PHLPP2: variants seen among roughly 807,000 people sequenced by gnomAD.
PHLPP2 encodes the protein PH domain and leucine rich repeat protein phosphatase 2.
A neutral mutation model predicts 124.9 loss-of-function variants in PHLPP2; 66 were observed. The ratio of observed to expected loss-of-function variants is 0.53; its 90% confidence interval spans 0.43 to 0.65. The LOEUF is 0.65. Among genes scored for constraint, PHLPP2 ranks in the 30% least tolerant of loss-of-function variants. The pLI, the probability that PHLPP2 is intolerant of heterozygous loss-of-function variation, is 0.00. For missense variants in PHLPP2, 1,685 were observed against 1,600.4 expected, an observed-to-expected ratio of 1.05 and a Z score of -0.90; for synonymous variants, 681 against 624.7, an observed-to-expected ratio of 1.09 and a Z score of -1.34.
chr16:71,653,102 T>TAA, intron 17 of PHLPP2, 81 bp from the exon 18 acceptor site: 1 of 229,846 alleles, frequency 4.4e-6, no homozygotes, highest in Non-Finnish European at 7.4e-6. Context: ...ATCCCTTCTT[T>TAA]TTTTTTTTTT....
chr16:71,699,562 G>A (rs528343366), intron 3 of PHLPP2, among the ~76,000 whole-genome samples: 8 of 152,052 alleles, frequency 5.3e-5, no homozygotes, highest in Admixed American at 6.6e-5. Flanking sequence ...AAAATTCTCC[G>A]CATTCACCAT....
chr16:71,696,271 T>C (rs2045169447), intron 3 of PHLPP2, among the ~76,000 whole-genome samples: 1 of 152,004 alleles, frequency 6.6e-6, no homozygotes, highest in Admixed American at 6.6e-5. Flanking sequence ...GGGAAATAAG[T>C]ACTCTCAAAT....
intron 5 of PHLPP2, among the ~76,000 whole-genome samples, chr16:71,682,836 G>T (rs1258264453): frequency 6.6e-6 from 1 of 152,104 alleles, no homozygotes. Context: ...TATAATATGG[G>T]TTATAAAAAT....
chr16:71,700,800 C>A (rs1024474465), intron 3 of PHLPP2, among the ~76,000 whole-genome samples: 1 of 152,042 alleles, frequency 6.6e-6, no homozygotes, highest in African/African-American at 2.4e-5. Flanking sequence ...GCTGGGATTA[C>A]AGGCGTGAGC....
At chr16:71,697,540 G>T (rs1478735957) in intron 3 of PHLPP2, among the ~76,000 whole-genome samples, 1 of 152,084 alleles carries the variant, frequency 6.6e-6, no homozygotes, top group African/African-American at 2.4e-5. Flanking sequence ...AAATAATATG[G>T]CTGTGTTTTA....
At chr16:71,714,031 C>T (rs2045341105) in intron 2 of PHLPP2, among the ~76,000 whole-genome samples, 1 of 151,298 alleles carries the variant, frequency 6.6e-6, no homozygotes, top group South Asian at 2.1e-4. Flanking sequence ...CCTTGGTCTC[C>T]CAGGTTCAAG....
chr16:71,649,003 G>C lies in PHLPP2; in HGVS notation c.3859C>G (p.Leu1287Val). 2 of 1,614,080 alleles carry C rather than the reference G, an allele frequency of 1.2e-6. No individual in the cohort carries two copies. The highest frequency in any genetic ancestry group is 1.7e-6 in the Non-Finnish European group (2 of 1,179,988). The stretch of plus-strand genomic sequence containing the variant: ...ATTTGTTCCTTCACTTCTTCTTCCA[G>C]GTCATGAGGCACAACAAACTGGTCC... Reference protein sequence around the residue: ...PEDQFVVPHDLEEEVKEQMKQ... With the variant: ...PEDQFVVPHDVEEEVKEQMKQ... Residue 1287 changes from leucine (L) to valine (V), a missense_variant, in exon 19 of 19, where the codon CTG becomes GTG. Transcript: ENST00000568954.
rs369588275 is a variant in PHLPP2 at position 71,714,462 on chromosome 16, A to G, written c.284+50T>C. 2.6e-5 allele frequency: 40 copies of G among 1,514,238 alleles called. No homozygotes were observed. The Admixed American group carries it at 2.9e-4, about 11-fold the overall frequency. 93.8% of individuals were successfully genotyped at this position (1,514,238 alleles called of 1,614,324 possible). A position where few individuals can be genotyped will look rare whatever the true frequency, so the allele number is the denominator to read the frequency against. Reference sequence around the variant, plus strand: ...AAAGTCCAGTTCTAAGCAGAAACACATTATTATTTATATTACGGTAGAATT... The same window carrying G: ...AAAGTCCAGTTCTAAGCAGAAACACGTTATTATTTATATTACGGTAGAATT... On this transcript the variant is annotated intron_variant, in intron 2 of 18. Transcript: ENST00000568954.
chr16:71,681,504 C>T (rs757955744), intron 6 of PHLPP2, among the ~76,000 whole-genome samples: 4 of 152,112 alleles, frequency 2.6e-5, no homozygotes, highest in Middle Eastern at 3.2e-3. Flanking sequence ...GATCATACAT[C>T]GGTGTCAATG....
chr16:71,691,719 G>A (rs60173154), intron 3 of PHLPP2, among the ~76,000 whole-genome samples: 5,697 of 151,922 alleles, frequency 0.037, 358 homozygotes, highest in African/African-American at 0.13. Context: ...TCACGGTGGT[G>A]GAAATTCTAC....
intron 11 of PHLPP2, among the ~76,000 whole-genome samples, chr16:71,668,159 C>T (rs985014019): frequency 1.3e-5 from 2 of 151,594 alleles, no homozygotes; most frequent in Admixed American, 1.3e-4. Context: ...TGCCTGTAAT[C>T]CCAGCACTTT....
chr16:71,676,789 C>G, intron 8 of PHLPP2, 140 bp from the exon 9 acceptor site: 1 of 645,688 alleles, frequency 1.5e-6, no homozygotes, highest in Non-Finnish European at 2.7e-6. Flanking sequence ...CACTGTGTTG[C>G]GCAGGCTGGA....
chr16:71,666,626 T>C (rs1457972021), intron 12 of PHLPP2, among the ~76,000 whole-genome samples: 1 of 152,192 alleles, frequency 6.6e-6, no homozygotes, highest in Non-Finnish European at 1.5e-5. Context: ...AGGCCTAAAA[T>C]AGGAAGACAT....
At chr16:71,653,562 G>C (rs79074017) in intron 17 of PHLPP2, among the ~76,000 whole-genome samples, 1,980 of 152,260 alleles carry the variant, frequency 0.013, 31 homozygotes, top group African/African-American at 0.046. Context: ...CCACGCGTCT[G>C]TACTTGGAAA....
Position 71,670,695 on chromosome 16 carries a change from A to AACAC in PHLPP2, c.1533-1329_1533-1326dup, listed in dbSNP as rs71153651. 7.8e-3 allele frequency among the ~76,000 whole-genome samples: 1,004 copies of AACAC among 129,020 alleles called. 10 individuals are homozygous for AACAC. Among genetic ancestry groups the AACAC allele is most frequent in the African/African-American group, 0.028 (950 of 33,858 alleles). The allele number at this position is 129,020 out of a possible 152,430, so 84.6% of individuals were successfully genotyped here. ...ACAGACTAAGAAAAAAGAGGCTGAA[A>AACAC]ACACACACACACACACACACACACA... is the stretch of plus-strand genomic sequence containing the variant. On this transcript the variant is annotated intron_variant, in intron 10 of 18. Coordinates refer to ENST00000568954, the MANE Select transcript of PHLPP2 (RefSeq NM_015020.3).
chr16:71,669,533 T>G (rs2032918), intron 10 of PHLPP2, among the ~76,000 whole-genome samples, 163 bp from the exon 11 acceptor site: 129,808 of 152,234 alleles, frequency 0.85, 55,511 homozygotes, highest in East Asian at 0.99. Context: ...TAGGTGCTCA[T>G]TGAATGCTGC....
intron 11 of PHLPP2, among the ~76,000 whole-genome samples, chr16:71,668,261 A>C (rs2044856649): frequency 6.6e-6 from 1 of 151,594 alleles, no homozygotes; most frequent in South Asian, 2.1e-4. Flanking sequence ...AAATACAAAA[A>C]AAAATTTAGC....
At chr16:71,654,212 A>G (rs545609367) in intron 17 of PHLPP2, among the ~76,000 whole-genome samples, 3 of 149,048 alleles carry the variant, frequency 2.0e-5, no homozygotes, top group South Asian at 4.2e-4. Flanking sequence ...AAGAAAAAAA[A>G]AAAAAAAAAA....
chr16:71,654,244 A>G (rs1165934089), intron 17 of PHLPP2, among the ~76,000 whole-genome samples: 1 of 151,390 alleles, frequency 6.6e-6, no homozygotes, highest in African/African-American at 2.4e-5. Context: ...TCAAGCTCCA[A>G]GCTGTTCCAT....
Sources: allele counts gnomAD v4.1 joint callset (sites outside exome capture counted in the v4.1 genomes callset), GRCh38; gene constraint gnomAD v4.1.1; transcripts MANE v1.5; gene names NCBI Gene and HGNC (gene_info 2026-07-23, HGNC 2026-07-21).